The following SASH1 variants were observed in gnomAD, a reference collection of about 807,000 sequenced individuals.
SASH1 encodes SAM and SH3 domain-containing protein 1.
In SASH1, 44 loss-of-function variants were observed where a neutral mutation model predicts 125.2. The ratio of observed to expected loss-of-function variants is 0.35; its 90% CI spans 0.28 to 0.45. SASH1 has a LOEUF of 0.45. Among genes scored for constraint, SASH1 ranks in the 20% least tolerant of loss-of-function variants. SASH1 has a pLI of 1.00. For missense variants in SASH1, 1,426 were observed against 1,614.5 expected (o/e 0.88, Z 2.00); for synonymous variants, 639 against 649.1 (o/e 0.98, Z 0.24).
intron 2 of SASH1, among the ~76,000 whole-genome samples, chr6:148,396,122 G>A (rs1463359101): frequency 6.6e-6 from 1 of 152,010 alleles, no homozygotes; most frequent in Non-Finnish European, 1.5e-5. Context: ...GATGCACTGA[G>A]GTCTTTAAGG....
At chr6:148,473,792 A>G (rs1473653910) in intron 6 of SASH1, among the ~76,000 whole-genome samples, 2 of 152,342 alleles carry the variant, frequency 1.3e-5, no homozygotes, top group African/African-American at 4.8e-5. Flanking sequence ...TACTCCACCT[A>G]TAGCGAGGAT....
intron 1 of SASH1, among the ~76,000 whole-genome samples, chr6:148,325,934 G>T (rs968039265): frequency 1.3e-5 from 2 of 151,830 alleles, no homozygotes; most frequent in South Asian, 4.1e-4. Context: ...TCTTCTTCTA[G>T]GTTAGGTTCC....
intron 2 of SASH1, among the ~76,000 whole-genome samples, chr6:148,431,068 AGCCCAGGT>A (rs1016057721): frequency 1.3e-5 from 2 of 152,258 alleles, no homozygotes; most frequent in Non-Finnish European, 2.9e-5. Context: ...GTATGCTGGT[AGCCCAGGT>A]AGCTGTGAGG....
At chr6:148,512,798 T>G (rs1780222207) in intron 8 of SASH1, 1 of 984,910 alleles carries the variant, frequency 1.0e-6, no homozygotes, top group Non-Finnish European at 1.2e-6. Flanking sequence ...AAATTGGACA[T>G]AGATATTAAT....
At chr6:148,361,822 A>T (rs1782220555) in intron 1 of SASH1, among the ~76,000 whole-genome samples, 3 of 152,066 alleles carry the variant, frequency 2.0e-5, no homozygotes, top group African/African-American at 7.2e-5. Flanking sequence ...GGCCTCCTCC[A>T]GGGTACTTAG....
At chr6:148,286,051 T>A (rs1779474267) in intron 1 of SASH1, among the ~76,000 whole-genome samples, 1 of 152,144 alleles carries the variant, frequency 6.6e-6, no homozygotes, top group Admixed American at 6.5e-5. Flanking sequence ...CTAAAGAATG[T>A]ACCTTTCTCT....
chr6:148,446,103 T>TTTTTTTTTCTTTTTTTTC lies in SASH1; in HGVS notation c.386+5704_386+5705insCTTTTTTTTCTTTTTTTT, dbSNP rs1776763170. On this transcript the variant is annotated intron_variant, in intron 4 of 19. Coordinates refer to ENST00000367467, the MANE Select transcript of SASH1 (RefSeq NM_015278.5). ...ACATAGGGTTCTTTTTTTTTTTTTT[T>TTTTTTTTTCTTTTTTTTC]TTTTTTTTTTTTTTTTTTTTTTTGA... 7.6e-3 allele frequency among the ~76,000 whole-genome samples: 157 copies of TTTTTTTTTCTTTTTTTTC among 20,662 alleles called. 5 individuals carry two copies. The highest frequency in any genetic ancestry group is 0.022 in the African/African-American group (82 of 3,752). The allele number at this position is 20,662 out of a possible 152,430, so 13.6% of individuals were successfully genotyped here. A position where few individuals can be genotyped will look rare whatever the true frequency, so the allele number is the denominator to read the frequency against.
intron 4 of SASH1, among the ~76,000 whole-genome samples, chr6:148,446,374 C>T (rs527248712): frequency 6.6e-6 from 1 of 152,204 alleles, no homozygotes; most frequent in African/African-American, 2.4e-5. Flanking sequence ...TCCTAAAGTG[C>T]TGGGATGACA....
At chr6:148,445,631 TTTC>T (rs1325609017) in intron 4 of SASH1, among the ~76,000 whole-genome samples, 2 of 152,192 alleles carry the variant, frequency 1.3e-5, no homozygotes, top group African/African-American at 2.4e-5. Flanking sequence ...TGCTTTCTTT[TTTC>T]TTCTTTCTTT....
At chr6:148,350,415 T>A (rs549270216) in intron 1 of SASH1, among the ~76,000 whole-genome samples, 5 of 152,362 alleles carry the variant, frequency 3.3e-5, no homozygotes, top group African/African-American at 7.2e-5. Flanking sequence ...TATAACAATA[T>A]GCACACCACT....
intron 2 of SASH1, among the ~76,000 whole-genome samples, chr6:148,400,134 T>C (rs11757678): frequency 0.18 from 26,937 of 152,156 alleles, 2,607 homozygotes; most frequent in South Asian, 0.32. Flanking sequence ...CAGAGTGGGT[T>C]TCTGTAGCTG....
the SASH1 span, among the ~76,000 whole-genome samples, chr6:148,263,685 A>G: frequency 6.8e-6 from 1 of 146,350 alleles, no homozygotes; most frequent in Non-Finnish European, 1.5e-5. Flanking sequence ...CCATGGAAAT[A>G]TGCTTTGCAT....
At chr6:148,219,799 A>G in the SASH1 span, among the ~76,000 whole-genome samples, 2 of 152,278 alleles carry the variant, frequency 1.3e-5, no homozygotes, top group East Asian at 3.9e-4. Flanking sequence ...CTGAGTTTAG[A>G]CTTGCAGGCC....
At chr6:148,334,016 G>A (rs1781072042) in intron 1 of SASH1, among the ~76,000 whole-genome samples, 3 of 151,468 alleles carry the variant, frequency 2.0e-5, no homozygotes, top group South Asian at 4.2e-4. Flanking sequence ...TAGAGACGGG[G>A]GTTCACCGTG....
At chr6:148,368,563 T>C (rs1782568473) in intron 1 of SASH1, among the ~76,000 whole-genome samples, 1 of 151,994 alleles carries the variant, frequency 6.6e-6, no homozygotes, top group South Asian at 2.1e-4. Flanking sequence ...GAGCCACTGC[T>C]CCCAGCTAGG....
intron 2 of SASH1, among the ~76,000 whole-genome samples, chr6:148,435,115 C>T (rs1010437918): frequency 9.9e-5 from 15 of 152,108 alleles, no homozygotes; most frequent in Non-Finnish European, 1.9e-4. Context: ...GTAATCCTAG[C>T]ATTTTGGGAG....
chr6:148,379,764 C>T (rs1783058597), intron 1 of SASH1, among the ~76,000 whole-genome samples: 1 of 152,202 alleles, frequency 6.6e-6, no homozygotes, highest in Non-Finnish European at 1.5e-5. Flanking sequence ...TGCCTGGTAA[C>T]AACAAACACG....
the SASH1 span, among the ~76,000 whole-genome samples, chr6:148,233,643 G>A: frequency 4.0e-5 from 6 of 148,310 alleles, no homozygotes; most frequent in South Asian, 2.1e-4. Context: ...GCCTGTAATC[G>A]CAGCACTTTG....
At chr6:148,540,078 T>C (rs569506591) in intron 16 of SASH1, among the ~76,000 whole-genome samples, 1 of 152,316 alleles carries the variant, frequency 6.6e-6, no homozygotes, top group East Asian at 1.9e-4. Context: ...ATTCTTTCTT[T>C]GCTTCTCCTT....
Sources: allele counts gnomAD v4.1 joint callset (sites outside exome capture counted in the v4.1 genomes callset), GRCh38; gene constraint gnomAD v4.1.1; transcripts MANE v1.5; gene names NCBI Gene and HGNC (gene_info 2026-07-23, HGNC 2026-07-21).